Variants in DYDC2 observed in about 807,000 individuals in gnomAD.
DYDC2 encodes the protein DPY30 domain containing 2.
DYDC2 carries 19 observed loss-of-function variants against 18.7 expected under a neutral mutation model. The ratio of observed to expected loss-of-function variants is 1.02; its 90% CI spans 0.71 to 1.49. The LOEUF is 1.49. Among genes scored for constraint, DYDC2 ranks in the 40% most tolerant of loss-of-function variants. The pLI is 0.00. For synonymous variants in DYDC2, 63 were observed against 67.6 expected, an observed-to-expected ratio of 0.93 and a Z score of 0.34; for missense variants, 179 against 205.1, an observed-to-expected ratio of 0.87 and a Z score of 0.78.
chr10:80,352,893 G>T (rs999828058), upstream of DYDC2, among the ~76,000 whole-genome samples: 1 of 152,174 alleles, frequency 6.6e-6, no homozygotes, highest in Non-Finnish European at 1.5e-5. Context: ...AAGTTTACTT[G>T]ATGCCAAGTA....
chr10:80,364,780 G>A (rs1346461994), intron 4 of DYDC2, among the ~76,000 whole-genome samples: 1 of 152,182 alleles, frequency 6.6e-6, no homozygotes, highest in Non-Finnish European at 1.5e-5. Flanking sequence ...GATTCCCTAT[G>A]TTAGAAGGAA....
upstream of DYDC2, chr10:80,352,042 G>C (rs372401073): frequency 4.4e-6 from 7 of 1,592,022 alleles, no homozygotes; most frequent in Non-Finnish European, 6.0e-6. Flanking sequence ...ACTTCTTAGC[G>C]AGAAAGCAAT....
At chr10:80,359,052 G>C (rs891133918) in intron 2 of DYDC2, among the ~76,000 whole-genome samples, 1 of 152,212 alleles carries the variant, frequency 6.6e-6, no homozygotes, top group Non-Finnish European at 1.5e-5. Flanking sequence ...AGGGAACCCA[G>C]AGCAGGTTGC....
intron 1 of DYDC2, 74 bp from the exon 2 acceptor site, chr10:80,357,819 G>A (rs1258829893): frequency 1.0e-5 from 10 of 985,462 alleles, no homozygotes; most frequent in African/African-American, 1.7e-5. Flanking sequence ...CAGATTGGGC[G>A]TGGAAAAATC....
upstream of DYDC2, chr10:80,352,516 G>T: frequency 6.2e-7 from 1 of 1,613,108 alleles, no homozygotes; most frequent in Non-Finnish European, 8.5e-7. Context: ...ATATTCTATC[G>T]GATCCACTGG....
At chr10:80,364,306 GA>G (rs1843758835) in intron 4 of DYDC2, among the ~76,000 whole-genome samples, 2 of 152,130 alleles carry the variant, frequency 1.3e-5, no homozygotes, top group Admixed American at 1.3e-4. Context: ...TAGTCTAAAG[GA>G]ACTCTCCCTC....
upstream of DYDC2, chr10:80,352,415 T>G (rs554362944): frequency 1.2e-5 from 18 of 1,523,290 alleles, no homozygotes; most frequent in Non-Finnish European, 1.6e-5. Context: ...TTGGACCAGT[T>G]TTTTTTCTTC....
intron 1 of DYDC2, among the ~76,000 whole-genome samples, chr10:80,346,903 C>G (rs555154735): frequency 6.6e-6 from 1 of 151,286 alleles, no homozygotes; most frequent in African/African-American, 2.4e-5. Context: ...GGCGAAACCC[C>G]GTCTCTACTA....
intron 1 of DYDC2, among the ~76,000 whole-genome samples, chr10:80,346,216 T>C (rs1589508017): frequency 6.6e-6 from 1 of 152,158 alleles, no homozygotes; most frequent in African/African-American, 2.4e-5. Context: ...CTATTGTAAA[T>C]AATGCTGCAA....
upstream of DYDC2, chr10:80,356,228 T>C: frequency 2.0e-6 from 2 of 983,038 alleles, no homozygotes; most frequent in Non-Finnish European, 2.4e-6. Context: ...TCTCCTGTGG[T>C]AAGCAATGTT....
At chr10:80,351,417 C>T (rs1842964911) in intron 1 of DYDC2, among the ~76,000 whole-genome samples, 1 of 151,000 alleles carries the variant, frequency 6.6e-6, no homozygotes, top group South Asian at 2.1e-4. Context: ...ACAAAAACAT[C>T]TCTCCTTGCT....
chr10:80,362,766 G>T (rs565154274), intron 3 of DYDC2, among the ~76,000 whole-genome samples, 176 bp downstream of exon 3: 1 of 152,238 alleles, frequency 6.6e-6, no homozygotes, highest in Admixed American at 6.5e-5. Flanking sequence ...CAGAGGAGTG[G>T]AGCTTCAACT....
In DYDC2 at chr10:80,358,921, A is replaced by G. The variant is rs118045125; in HGVS notation, c.-10+876A>G. Among the ~76,000 whole-genome samples, 10 of 152,298 alleles carry G rather than the reference A, an allele frequency of 6.6e-5. No homozygotes were observed. The East Asian group carries it at 1.9e-3, about 29-fold the overall frequency. On this transcript the variant is annotated intron_variant, in intron 2 of 4. Coordinates refer to ENST00000256039, the MANE Select transcript of DYDC2 (RefSeq NM_032372.6). ...TCTGGTGGGTTGCTGGTCTCCCTTC[A>G]GAAGTGAAGCTGCAGACCTTTGCAG... is the stretch of plus-strand genomic sequence containing the variant.
chr10:80,353,836 AT>A (rs1843165288), upstream of DYDC2, among the ~76,000 whole-genome samples: 1 of 152,114 alleles, frequency 6.6e-6, no homozygotes, highest in Non-Finnish European at 1.5e-5. Context: ...ATCAATAATG[AT>A]AATATCTCTT....
At chr10:80,347,540 A>G (rs1369116667) in intron 1 of DYDC2, among the ~76,000 whole-genome samples, 2 of 152,088 alleles carry the variant, frequency 1.3e-5, no homozygotes, top group Non-Finnish European at 2.9e-5. Context: ...AATGTCAAGG[A>G]GCTTTTTCTA....
intron 2 of DYDC2, among the ~76,000 whole-genome samples, chr10:80,359,037 G>C (rs941853436): frequency 6.6e-6 from 1 of 152,202 alleles, no homozygotes; most frequent in Admixed American, 6.5e-5. Context: ...AGCTTCCAGT[G>C]TGGAAGGGAA....
intron 2 of DYDC2, among the ~76,000 whole-genome samples, chr10:80,360,778 T>C (rs916352736): frequency 6.6e-6 from 1 of 151,010 alleles, no homozygotes; most frequent in Non-Finnish European, 1.5e-5. Flanking sequence ...TTTTTTTTTT[T>C]AGACAGGGTC....
At chr10:80,358,114 C>T in intron 2 of DYDC2, 69 bp downstream of exon 2, 2 of 964,504 alleles carry the variant, frequency 2.1e-6, no homozygotes, top group Non-Finnish European at 2.5e-6. Flanking sequence ...CGGTGGCTCA[C>T]CGCCTGTAAT....
intron 2 of DYDC2, 92 bp downstream of exon 2, chr10:80,358,137 G>A (rs922457102): frequency 2.6e-5 from 23 of 899,350 alleles, no homozygotes; most frequent in Middle Eastern, 5.6e-4. Context: ...TAGCACTTTG[G>A]GAGGCGGAGG....
Sources: allele counts gnomAD v4.1 joint callset (sites outside exome capture counted in the v4.1 genomes callset), GRCh38; gene constraint gnomAD v4.1.1; transcripts MANE v1.5; gene names NCBI Gene and HGNC (gene_info 2026-07-23, HGNC 2026-07-21).